Variants in PNPLA8 observed in about 807,000 individuals in gnomAD.
PNPLA8 encodes patatin like domain 8, phospholipase A2.
A neutral mutation model predicts 76.9 loss-of-function variants in PNPLA8; 39 were observed. The ratio of observed to expected loss-of-function variants is 0.51; its 90% CI spans 0.39 to 0.66. The LOEUF (loss-of-function observed/expected upper bound fraction) is 0.66, where lower values mean the gene tolerates loss of function less well. Among genes scored for constraint, PNPLA8 ranks in the 30% least tolerant of loss-of-function variants. The pLI is 0.00. For synonymous variants in PNPLA8, 301 were observed against 307.9 expected, an observed-to-expected ratio of 0.98 and a Z score of 0.24; for missense variants, 887 against 918.0, an observed-to-expected ratio of 0.97 and a Z score of 0.44.
chr7:108,520,751 C>G lies in PNPLA8; in HGVS notation c.-84+725G>C, dbSNP rs541683208. 2.0e-5 allele frequency among the ~76,000 whole-genome samples: 3 copies of G among 151,836 alleles called. No individual in the cohort carries two copies. The South Asian group carries it at 6.2e-4, about 32-fold the overall frequency. The stretch of plus-strand genomic sequence containing the variant: ...CATTTAAAAAAAAATTCATGCTCAA[C>G]TTGAAGAATACTGAGACTGTAAAAT... On this transcript the variant is annotated intron_variant, in intron 2 of 10. Coordinates refer to ENST00000257694, the MANE Select transcript of PNPLA8 (RefSeq NM_001256007.3).
At chr7:108,476,387 A>G (rs1396384221) in intron 10 of PNPLA8, among the ~76,000 whole-genome samples, 1 of 152,200 alleles carries the variant, frequency 6.6e-6, no homozygotes, top group Non-Finnish European at 1.5e-5. Context: ...GCTTATGGTA[A>G]GGATATTTTA....
intron 4 of PNPLA8, among the ~76,000 whole-genome samples, chr7:108,504,874 C>A (rs147350205): frequency 2.0e-5 from 3 of 151,890 alleles, no homozygotes; most frequent in African/African-American, 7.3e-5. Context: ...GTTGGGAGTT[C>A]GAGACCAGCC....
At chr7:108,484,617 T>C (rs1422512878) in intron 9 of PNPLA8, among the ~76,000 whole-genome samples, 1 of 152,166 alleles carries the variant, frequency 6.6e-6, no homozygotes, top group Non-Finnish European at 1.5e-5. Flanking sequence ...CCATTTTCTA[T>C]CCCTAATCAA....
At chr7:108,494,744 A>G (rs1471860633) in intron 7 of PNPLA8, among the ~76,000 whole-genome samples, 1 of 152,210 alleles carries the variant, frequency 6.6e-6, no homozygotes, top group Non-Finnish European at 1.5e-5. Flanking sequence ...AGGATTGTAG[A>G]AAAGACTTAA....
At chr7:108,484,398 T>G (rs1860601736) in intron 9 of PNPLA8, among the ~76,000 whole-genome samples, 2 of 152,080 alleles carry the variant, frequency 1.3e-5, no homozygotes, top group Non-Finnish European at 2.9e-5. Context: ...ATATTTTTTC[T>G]TTTTTTGGTA....
intron 5 of PNPLA8, 148 bp downstream of exon 5, chr7:108,502,343 T>A: frequency 1.7e-6 from 1 of 593,714 alleles, no homozygotes; most frequent in Non-Finnish European, 2.7e-6. Context: ...CTTGAGAGGG[T>A]GAGGCAGGAG....
chr7:108,503,841 T>A (rs917561723), intron 4 of PNPLA8, among the ~76,000 whole-genome samples: 1 of 152,160 alleles, frequency 6.6e-6, no homozygotes, highest in Non-Finnish European at 1.5e-5. Context: ...GCTGATCGTT[T>A]AGCATCTAAG....
chr7:108,518,720 AATAT>A (rs148834592), intron 2 of PNPLA8, among the ~76,000 whole-genome samples: 31,092 of 122,994 alleles, frequency 0.25, 4,494 homozygotes, highest in Non-Finnish European at 0.33. Context: ...TATGCACATG[AATAT>A]ATATATATAT....
At chr7:108,476,248 G>A (rs1021192844) in intron 10 of PNPLA8, among the ~76,000 whole-genome samples, 33 of 152,174 alleles carry the variant, frequency 2.2e-4, no homozygotes, top group African/African-American at 8.0e-4. Context: ...ATTAACTGGA[G>A]TGCAGGTACA....
chr7:108,500,964 G>A (rs895782197), intron 5 of PNPLA8, among the ~76,000 whole-genome samples: 1 of 151,686 alleles, frequency 6.6e-6, no homozygotes, highest in Non-Finnish European at 1.5e-5. Context: ...GCCTTCCACT[G>A]CCACCATCTG....
Position 108,502,475 on chromosome 7 carries a change from A to G in PNPLA8, c.1358+16T>C, listed in dbSNP as rs11971386. The G allele has an allele frequency of 0.1, 122,202 of 1,174,022 alleles. 6,626 individuals carry two copies. Among genetic ancestry groups the G allele is most frequent in the Middle Eastern group, 0.13 (499 of 3,770 alleles). The allele number at this position is 1,174,022 out of a possible 1,614,324, so 72.7% of individuals were successfully genotyped here. A position where few individuals can be genotyped will look rare whatever the true frequency, so the allele number is the denominator to read the frequency against. On this transcript the variant is annotated intron_variant, in intron 5 of 10. Coordinates refer to ENST00000257694, the MANE Select transcript of PNPLA8 (RefSeq NM_001256007.3). ...AAAAAAAAAAAAAAAAAAAAGAATC[A>G]TGTTCCTAGCCTTACCTTGTTCCTC... is the stretch of plus-strand genomic sequence containing the variant.
intron 1 of PNPLA8, among the ~76,000 whole-genome samples, chr7:108,525,184 A>C (rs983772993): frequency 5.3e-5 from 8 of 152,374 alleles, no homozygotes; most frequent in African/African-American, 1.7e-4. Flanking sequence ...ATTTAACAAA[A>C]TAGCTAAAAT....
chr7:108,507,510 T>C (rs1168760931), intron 4 of PNPLA8, among the ~76,000 whole-genome samples: 1 of 151,750 alleles, frequency 6.6e-6, no homozygotes, highest in Non-Finnish European at 1.5e-5. Context: ...AAAAATTAGT[T>C]GGGTGTGGTT....
chr7:108,481,791 A>C (rs1473267930), intron 9 of PNPLA8, among the ~76,000 whole-genome samples: 1 of 152,166 alleles, frequency 6.6e-6, no homozygotes, highest in Non-Finnish European at 1.5e-5. Context: ...TAAAAGTTTC[A>C]TAGTTTTGTT....
Position 108,514,594 on chromosome 7 carries a change from C to G in PNPLA8, c.898G>C (p.Ala300Pro). The change falls in exon 3 of 11, where the codon GCT (alanine) becomes CCT (proline). Residue 300 changes from alanine (A) to proline (P), a missense_variant. Transcript: ENST00000257694. Reference sequence around the variant, plus strand: ...CCACCAATATAACCACCTACTAAAGCTTGTACACCTTCCGTGGGACGAGAA... The same window carrying G: ...CCACCAATATAACCACCTACTAAAGGTTGTACACCTTCCGTGGGACGAGAA... ...FLSRPTEGVQ[A>P]LVGGYIGGLV... 1 of 1,614,072 alleles carries G rather than the reference C, an allele frequency of 6.2e-7. No individual in the cohort carries two copies. The highest frequency in any genetic ancestry group is 1.7e-5 in the Admixed American group (1 of 60,010).
At chr7:108,485,502 T>C (rs1004630622) in intron 9 of PNPLA8, among the ~76,000 whole-genome samples, 7 of 152,138 alleles carry the variant, frequency 4.6e-5, no homozygotes, top group Admixed American at 4.6e-4. Context: ...CATTAAAACA[T>C]ATGTCAGATG....
chr7:108,518,758 T>TATATATATATATACAC (rs1554690263), intron 2 of PNPLA8, among the ~76,000 whole-genome samples: 1 of 123,080 alleles, frequency 8.1e-6, no homozygotes, highest in African/African-American at 3.1e-5. Flanking sequence ...TATATATATA[T>TATATATATATATACAC]ACACACACAC....
At chr7:108,509,600 A>C (rs1395140805) in intron 4 of PNPLA8, among the ~76,000 whole-genome samples, 7 of 148,086 alleles carry the variant, frequency 4.7e-5, no homozygotes, top group Non-Finnish European at 9.1e-5. Flanking sequence ...TAGTTCAACC[A>C]TTGTGGAAGT....
intron 9 of PNPLA8, among the ~76,000 whole-genome samples, chr7:108,482,425 T>C (rs1009331774): frequency 6.6e-6 from 1 of 152,182 alleles, no homozygotes; most frequent in African/African-American, 2.4e-5. Context: ...TGAGCTGAGA[T>C]TGTGCCACTG....
Sources: allele counts gnomAD v4.1 joint callset (sites outside exome capture counted in the v4.1 genomes callset), GRCh38; gene constraint gnomAD v4.1.1; transcripts MANE v1.5; gene names NCBI Gene and HGNC (gene_info 2026-07-23, HGNC 2026-07-21).